The following PRDM9 variants were observed in gnomAD, a reference collection of about 807,000 sequenced individuals.
PRDM9 encodes PR/SET domain 9.
PRDM9 carries 47 observed loss-of-function variants against 55.6 expected under a neutral mutation model. That is an observed-to-expected ratio of 0.85 (90% CI 0.67 to 1.08). The LOEUF (loss-of-function observed/expected upper bound fraction) is 1.08, where lower values mean the gene tolerates loss of function less well. Ranked by LOEUF, PRDM9 falls within the 50% of genes least tolerant of loss-of-function variation. The pLI is 0.00. For missense variants in PRDM9, 867 were observed against 1,040.3 expected, an observed-to-expected ratio of 0.83 and a Z score of 2.29; for synonymous variants, 312 against 375.7, an observed-to-expected ratio of 0.83 and a Z score of 1.96.
In PRDM9 at chr5:23,527,267, C is replaced by T. The variant is rs1407631165; in HGVS notation, c.2179C>T (p.Arg727Trp). The change falls in exon 11 of 11, where the codon CGG (arginine) becomes TGG (tryptophan). Residue 727 changes from arginine to tryptophan, a missense_variant. By Grantham distance (101) the Arg-to-Trp change is moderately radical. This residue lies in a region of PRDM9 where 92 missense variants were observed against 185.7 expected (regional missense o/e 0.50). Transcript: ENST00000296682. Reference sequence around the variant, plus strand: ...GCCCTATGTCTGCAGGGAGTGTGGGCGGGGCTTTAGCAATAAGTCACACCT... The same window carrying T: ...GCCCTATGTCTGCAGGGAGTGTGGGTGGGGCTTTAGCAATAAGTCACACCT... ...EKPYVCRECG[R>W]GFSNKSHLLR... 1.9e-6 allele frequency: 3 copies of T among 1,538,654 alleles called. No individual in the cohort carries two copies. In the East Asian group the frequency reaches 7.6e-5, roughly 39 times the overall value.
In PRDM9 at chr5:23,521,020, A is replaced by C; in HGVS notation, c.352-3A>C. ...CTTTTAATATGTGACTCTCACATTAAAGGGAATGCCCAAGGCGTCATTCAG... is the reference window on the plus strand; with the variant it reads ...CTTTTAATATGTGACTCTCACATTACAGGGAATGCCCAAGGCGTCATTCAG... On this transcript the variant is annotated splice_polypyrimidine_tract_variant and splice_region_variant and intron_variant, in intron 5 of 10. Transcript: ENST00000296682. 5.0e-6 allele frequency: 8 copies of C among 1,614,082 alleles called. No homozygotes were observed. Among genetic ancestry groups the C allele is most frequent in the Non-Finnish European group, 6.8e-6 (8 of 1,179,926 alleles).
intron 4 of PRDM9, among the ~76,000 whole-genome samples, chr5:23,514,536 C>T (rs765055927): frequency 9.2e-5 from 14 of 152,040 alleles, no homozygotes; most frequent in Non-Finnish European, 2.1e-4. Flanking sequence ...GCAAACTCCA[C>T]CTCCTGGGTT....
chr5:23,522,332 G>A lies in PRDM9; in HGVS notation c.537G>A (p.Lys179=), dbSNP rs2126426963. Residue 179 remains lysine, a synonymous_variant, in exon 7 of 11, where the codon AAG becomes AAA. Transcript: ENST00000296682. Reference sequence around the variant, plus strand: ...TCAGGAAGAAGGAGACTGAAAGAAAGATGTATAGCCTGCGAGAAAGAAAGG... The same window carrying A: ...TCAGGAAGAAGGAGACTGAAAGAAAAATGTATAGCCTGCGAGAAAGAAAGG... ...LELRKKETER[K]MYSLRERKGH... 1 of 1,614,062 alleles carries A rather than the reference G, an allele frequency of 6.2e-7. No individual in the cohort carries two copies. Among genetic ancestry groups the A allele is most frequent in the Non-Finnish European group, 8.5e-7 (1 of 1,179,970 alleles).
rs1739461211 is a variant in PRDM9, at chr5:23,526,920, G to A, written c.1832G>A (p.Arg611Lys). Residue 611 changes from arginine to lysine, a missense_variant, in exon 11 of 11, where the codon AGG becomes AAG. Physicochemically the swap from Arg to Lys is conservative, Grantham distance 26. Transcript: ENST00000296682. ...THTGEKPYVC[R>K]ECGRGFSRQS... ...ACAGGGGAGAAGCCCTATGTCTGCA[G>A]GGAGTGTGGGCGGGGCTTTAGCCGG... is the stretch of plus-strand genomic sequence containing the variant. 6.2e-7 allele frequency: 1 copy of A among 1,600,438 alleles called. No homozygotes were observed. Among genetic ancestry groups the A allele is most frequent in the Non-Finnish European group, 8.5e-7 (1 of 1,176,190 alleles).
Position 23,527,438 on chromosome 5 carries a change from G to T in PRDM9, c.2350G>T (p.Gly784Cys). The change falls in exon 11 of 11, where the codon GGC (glycine) becomes TGC (cysteine). Residue 784 changes from glycine to cysteine, a missense_variant. Coordinates refer to ENST00000296682, the MANE Select transcript of PRDM9 (RefSeq NM_020227.4). ...KPYVCRECGR[G>C]FRDKSNLLSH... Reference sequence around the variant, plus strand: ...CTATGTCTGCAGGGAGTGTGGGCGGGGCTTTAGAGATAAGTCAAACCTCCT... The same window carrying T: ...CTATGTCTGCAGGGAGTGTGGGCGGTGCTTTAGAGATAAGTCAAACCTCCT... 2 of 1,598,936 alleles carry T rather than the reference G, an allele frequency of 1.3e-6. No homozygotes were observed. The highest frequency in any genetic ancestry group is 8.5e-7 in the Non-Finnish European group (1 of 1,175,872).
intron 4 of PRDM9, among the ~76,000 whole-genome samples, chr5:23,511,320 C>CGTTT (rs199586987): frequency 4.6e-5 from 7 of 152,016 alleles, no homozygotes; most frequent in South Asian, 2.1e-4. Context: ...ATTCATATAA[C>CGTTT]GTTTGTTTGT....
At chr5:23,515,143 T>C (rs1359970304) in intron 4 of PRDM9, among the ~76,000 whole-genome samples, 1 of 151,956 alleles carries the variant, frequency 6.6e-6, no homozygotes, top group Admixed American at 6.6e-5. Context: ...TTTTGTATTT[T>C]TAGTAGAGAC....
chr5:23,527,542 C>T lies in PRDM9; in HGVS notation c.2454C>T (p.His818=). ...ECGRGFSNKS[H]LLRHQRTHTG... ...GGCGGGGCTTTAGCAATAAGTCACA[C>T]CTCCTCAGACACCAGAGGACACACA... The change falls in exon 11 of 11, where the codon CAC becomes CAT. Residue 818 remains histidine (H), a synonymous_variant. Coordinates refer to ENST00000296682, the MANE Select transcript of PRDM9 (RefSeq NM_020227.4). 1.3e-6 allele frequency: 2 copies of T among 1,556,212 alleles called. No homozygotes were observed. Among genetic ancestry groups the T allele is most frequent in the East Asian group, 2.4e-5 (1 of 42,072 alleles).
intron 4 of PRDM9, among the ~76,000 whole-genome samples, chr5:23,511,712 G>A (rs992417716): frequency 1.3e-5 from 2 of 152,152 alleles, no homozygotes; most frequent in Non-Finnish European, 2.9e-5. Flanking sequence ...AGTGGTAAAT[G>A]TATAAAATCT....
At chr5:23,511,907 G>A (rs1739106469) in intron 4 of PRDM9, among the ~76,000 whole-genome samples, 2 of 151,634 alleles carry the variant, frequency 1.3e-5, no homozygotes, top group Non-Finnish European at 1.5e-5. Flanking sequence ...TGGACTGAAT[G>A]GTGATGGATG....
At chr5:23,513,687 C>T (rs907867185) in intron 4 of PRDM9, among the ~76,000 whole-genome samples, 2 of 152,066 alleles carry the variant, frequency 1.3e-5, no homozygotes, top group Non-Finnish European at 2.9e-5. Flanking sequence ...TGAGACCAGC[C>T]TGGCCAGCTT....
In PRDM9 at chr5:23,514,035, T is replaced by C. The variant is rs138160131; in HGVS notation, c.302-3846T>C. On this transcript the variant is annotated intron_variant, in intron 4 of 10. Transcript: ENST00000296682. ...CTTCGCCAACACTTGCTATTTTCTG[T>C]TTTTTTGACAGAGGCTATCATAACA... 9.7e-3 allele frequency among the ~76,000 whole-genome samples: 1,482 copies of C among 152,278 alleles called. 17 individuals are homozygous for C. The highest frequency in any genetic ancestry group is 0.033 in the South Asian group (158 of 4,818).
Position 23,510,212 on chromosome 5 carries a change from G to A in PRDM9, c.301+185G>A, listed in dbSNP as rs7718359. Among the ~76,000 whole-genome samples, 3 of 151,522 alleles carry A rather than the reference G, an allele frequency of 2.0e-5. 1 individual carries two copies. Among genetic ancestry groups the A allele is most frequent in the South Asian group, 4.2e-4 (2 of 4,778 alleles). Reference sequence around the variant, plus strand: ...TGGGATTACAAGCATCCACCACTACGCCCAGCTAATTTTTTGTAAATTTTT... The same window carrying A: ...TGGGATTACAAGCATCCACCACTACACCCAGCTAATTTTTTGTAAATTTTT... On this transcript the variant is annotated intron_variant, in intron 4 of 10. Transcript: ENST00000296682.
chr5:23,512,708 G>T (rs1443409700), intron 4 of PRDM9, among the ~76,000 whole-genome samples: 1 of 152,064 alleles, frequency 6.6e-6, no homozygotes, highest in East Asian at 1.9e-4. Context: ...TGCACATAGT[G>T]GTGAAATAGA....
intron 3 of PRDM9, 26 bp downstream of exon 3, chr5:23,509,619 C>T (rs1273120515): frequency 3.1e-6 from 5 of 1,613,952 alleles, no homozygotes; most frequent in Non-Finnish European, 4.2e-6. Flanking sequence ...GGGCACAGAC[C>T]AGCCTGGGAG....
rs748069287 is a variant in PRDM9, at chr5:23,524,349, C to T, written c.966C>T (p.Ala322=). 2.5e-6 allele frequency: 4 copies of T among 1,613,842 alleles called. No homozygotes were observed. The highest frequency in any genetic ancestry group is 3.4e-6 in the Non-Finnish European group (4 of 1,179,866). ...WANWMRYVNC[A]RDDEEQNLVA... is the part of the protein sequence containing the mutation. ...TTGACCCCAGGTATGTGAACTGTGC[C>T]CGGGATGATGAAGAGCAGAACCTGG... The change falls in exon 10 of 11, where the codon GCC becomes GCT. Residue 322 remains alanine, a synonymous_variant. Transcript: ENST00000296682.
intron 4 of PRDM9, among the ~76,000 whole-genome samples, chr5:23,510,249 TG>T (rs748799518): frequency 1.3e-5 from 2 of 151,848 alleles, no homozygotes; most frequent in Non-Finnish European, 2.9e-5. Flanking sequence ...TTAGTAGAGA[TG>T]GGGTTTCTCC....
At chr5:23,511,721 C>A (rs2126409987) in intron 4 of PRDM9, among the ~76,000 whole-genome samples, 1 of 152,196 alleles carries the variant, frequency 6.6e-6, no homozygotes, top group South Asian at 2.1e-4. Flanking sequence ...TGTATAAAAT[C>A]TAAATGTGAA....
Position 23,526,256 on chromosome 5 carries a change from T to C in PRDM9, c.1168T>C (p.Cys390Arg), listed in dbSNP as rs765042027. ...AGAACCAAAGCCAGAGATCCATCCA[T>C]GTCCCTCATGCTGTCTGGCCTTTTC... ...GREPKPEIHP[C>R]PSCCLAFSSQ... The change falls in exon 11 of 11, where the codon TGT becomes CGT. Residue 390 changes from cysteine to arginine, a missense_variant. By Grantham distance (180) the Cys-to-Arg change is radical (BLOSUM62 -3). Around this residue, in one of 5 missense-constraint regions of PRDM9, gnomAD observed 662 missense variants for 711.9 expected, o/e 0.93. Transcript: ENST00000296682. 1.2e-6 allele frequency: 2 copies of C among 1,614,228 alleles called. No individual in the cohort carries two copies. The highest frequency in any genetic ancestry group is 1.6e-4 in the Middle Eastern group (1 of 6,062).
Sources: gnomAD v4.1 joint callset for allele counts (sites outside exome capture counted in the v4.1 genomes callset) on GRCh38, gnomAD v4.1.1 for gene constraint, gnomAD v4.1.1 regional missense constraint, MANE v1.5 for transcripts, NCBI Gene and HGNC (gene_info 2026-07-23, HGNC 2026-07-21) for gene names.